The following ADSL variants were observed in gnomAD, a reference collection of about 807,000 sequenced individuals.
ADSL encodes the protein adenylosuccinate lyase, also known as adenylosuccinase.
Under a neutral mutation model 62.1 loss-of-function variants are expected in ADSL, and 44 were observed. The observed-to-expected ratio is 0.71, with a 90% CI of 0.56 to 0.91. ADSL has a LOEUF of 0.91. Ranked by LOEUF, ADSL falls within the 40% of genes least tolerant of loss-of-function variation. The pLI, the probability that ADSL is intolerant of heterozygous loss-of-function variation, is 0.00. For synonymous variants in ADSL, 198 were observed against 220.5 expected, an observed-to-expected ratio of 0.90 and a Z score of 0.90; for missense variants, 531 against 627.4, an observed-to-expected ratio of 0.85 and a Z score of 1.64.
At chr22:40,356,989 G>A (rs183813899) in intron 4 of ADSL, among the ~76,000 whole-genome samples, 32 of 152,260 alleles carry the variant, frequency 2.1e-4, no homozygotes, top group African/African-American at 5.5e-4. Flanking sequence ...TCAGCTTCCC[G>A]GATTCAAGTG....
chr22:40,386,189 A>G (rs894624680), intron 2 of ADSL, among the ~76,000 whole-genome samples: 1 of 152,030 alleles, frequency 6.6e-6, no homozygotes, highest in African/African-American at 2.4e-5. Context: ...AGCCAAGAGG[A>G]ACTTAAATGG....
chr22:40,373,644 TCTCA>T (rs1569122566), downstream of ADSL: 1 of 152,250 alleles, frequency 6.6e-6, no homozygotes, highest in African/African-American at 2.4e-5. Context: ...TGAGACATAG[TCTCA>T]CTCTGTCACC....
chr22:40,359,331 C>T (rs2044680076), intron 6 of ADSL, 25 bp downstream of exon 6: 1 of 1,612,206 alleles, frequency 6.2e-7, no homozygotes, highest in Non-Finnish European at 8.5e-7. Flanking sequence ...ATGTGTTGGC[C>T]TCCCTGTTAA....
In ADSL at chr22:40,363,054, T is replaced by C. The variant is rs1401927153; in HGVS notation, c.1084T>C (p.Leu362=). 6.2e-7 allele frequency: 1 copy of C among 1,614,070 alleles called. No individual in the cohort carries two copies. The highest frequency in any genetic ancestry group is 8.5e-7 in the Non-Finnish European group (1 of 1,179,984). The stretch of plus-strand genomic sequence containing the variant: ...TACGCTGCAGAACATTTCTGAAGGA[T>C]TGGTCGTGTACCCCAAAGTAAGAAG... ...LNTLQNISEG[L]VVYPKVIERR... is the part of the protein sequence containing the mutation. Residue 362 remains leucine (L), a synonymous_variant, in exon 10 of 13, where the codon TTG becomes CTG. Coordinates refer to ENST00000623063, the MANE Select transcript of ADSL (RefSeq NM_000026.4).
intron 2 of ADSL, among the ~76,000 whole-genome samples, chr22:40,352,263 C>G (rs925557234): frequency 2.6e-5 from 4 of 152,032 alleles, no homozygotes; most frequent in African/African-American, 4.8e-5. Context: ...CACGGTGGCT[C>G]ACACCTGTAA....
chr22:40,366,407 T>C (rs1418198722), intron 12 of ADSL, 29 bp from the exon 13 acceptor site: 1 of 1,496,676 alleles, frequency 6.7e-7, no homozygotes, highest in Admixed American at 1.7e-5. Flanking sequence ...AACATTTTCT[T>C]TTGTCTTGTA....
At chr22:40,353,522 G>A in intron 3 of ADSL, 5 of 651,180 alleles carry the variant, frequency 7.7e-6, no homozygotes, top group Middle Eastern at 4.0e-4. Flanking sequence ...GAGCTCAAGG[G>A]ATCCACCCGT....
At chr22:40,352,744 C>T (rs1240409496) in intron 2 of ADSL, among the ~76,000 whole-genome samples, 2 of 152,168 alleles carry the variant, frequency 1.3e-5, no homozygotes, top group Non-Finnish European at 2.9e-5. Flanking sequence ...AGCAGTCCAC[C>T]TGCTTCAGCC....
Position 40,361,537 on chromosome 22 carries a change from C to T in ADSL, c.912C>T (p.Cys304=). 3 of 1,614,220 alleles carry T rather than the reference C, an allele frequency of 1.9e-6. No homozygotes were observed. The highest frequency in any genetic ancestry group is 2.5e-6 in the Non-Finnish European group (3 of 1,180,032). ...YKRNPMRSER[C]CSLARHLMTL... Reference sequence around the variant, plus strand: ...GGAATCCCATGCGTTCAGAACGTTGCTGCAGTCTTGCCCGCCACCTGATGA... The same window carrying T: ...GGAATCCCATGCGTTCAGAACGTTGTTGCAGTCTTGCCCGCCACCTGATGA... Residue 304 remains cysteine (C), a synonymous_variant, in exon 9 of 13, where the codon TGC becomes TGT. Coordinates refer to ENST00000623063, the MANE Select transcript of ADSL (RefSeq NM_000026.4).
intron 2 of ADSL, among the ~76,000 whole-genome samples, chr22:40,375,853 C>G (rs1285151014): frequency 6.6e-6 from 1 of 152,020 alleles, no homozygotes; most frequent in Non-Finnish European, 1.5e-5. Context: ...GCCTGGGCAA[C>G]ATGGTGAGAC....
At chr22:40,370,228 C>T (rs1237867503), downstream of ADSL, among the ~76,000 whole-genome samples, 1 of 151,754 alleles carries the variant, frequency 6.6e-6, no homozygotes, top group African/African-American at 2.4e-5. Flanking sequence ...TGGTGGCGGG[C>T]GCCTGTAATC....
chr22:40,357,620 T>A (rs1325053349), intron 4 of ADSL, among the ~76,000 whole-genome samples: 1 of 152,210 alleles, frequency 6.6e-6, no homozygotes, highest in Admixed American at 6.5e-5. Flanking sequence ...GTTATGTGTG[T>A]TGTGTAGCTG....
At position 40,367,183 on chromosome 22, in the gene ADSL, C is replaced by T. The variant is rs1469853057; in HGVS notation, c.*661C>T. 4 of 152,798 alleles carry T rather than the reference C, an allele frequency of 2.6e-5. No individual in the cohort carries two copies. The highest frequency in any genetic ancestry group is 9.7e-5 in the African/African-American group (4 of 41,444). 9.5% of individuals were successfully genotyped at this position (152,798 alleles called of 1,614,324 possible). On this transcript the variant is annotated 3_prime_UTR_variant, in exon 13 of 13. Coordinates refer to ENST00000623063, the MANE Select transcript of ADSL (RefSeq NM_000026.4). ...GTTGAGGCTTGCTCTGTCACCCAGACTAGAGTGCAGTAGCACAATCTTGGC... is the reference window on the plus strand; with the variant it reads ...GTTGAGGCTTGCTCTGTCACCCAGATTAGAGTGCAGTAGCACAATCTTGGC...
rs542981397 is a variant in ADSL at position 40,353,351 on chromosome 22, G to A, written c.402+234G>A. The A allele has an allele frequency of 3.6e-5, 25 of 702,906 alleles. No homozygotes were observed. The East Asian group carries it at 6.7e-4, about 19-fold the overall frequency. The allele number at this position is 702,906 out of a possible 1,614,324, so 43.5% of individuals were successfully genotyped here. On this transcript the variant is annotated intron_variant, in intron 3 of 12. Transcript: ENST00000623063. ...GAGCCAGAGTCTCATTCTGTCAAGG[G>A]GCGTGATCAAGGCTTATTGCAACCT...
intron 2 of ADSL, among the ~76,000 whole-genome samples, chr22:40,380,932 T>C (rs922587261): frequency 1.3e-5 from 2 of 152,086 alleles, no homozygotes; most frequent in African/African-American, 4.8e-5. Context: ...AAGACCCTGC[T>C]CAAAAATAAA....
At chr22:40,383,445 C>T (rs767543974) in intron 2 of ADSL, among the ~76,000 whole-genome samples, 4 of 144,544 alleles carry the variant, frequency 2.8e-5, no homozygotes, top group Non-Finnish European at 4.5e-5. Flanking sequence ...CCACCCTTGG[C>T]GACAGAGCGA....
At chr22:40,371,050 C>T (rs2045344001), downstream of ADSL, among the ~76,000 whole-genome samples, 1 of 152,254 alleles carries the variant, frequency 6.6e-6, no homozygotes, top group Non-Finnish European at 1.5e-5. Context: ...TAAAAAGAGC[C>T]TGGCTGGCTC....
chr22:40,380,338 G>A (rs2047352702), intron 2 of ADSL, among the ~76,000 whole-genome samples: 1 of 149,542 alleles, frequency 6.7e-6, no homozygotes, highest in South Asian at 2.1e-4. Flanking sequence ...ACATTTTCTA[G>A]CTTTTTTTAA....
intron 3 of ADSL, 104 bp downstream of exon 3, chr22:40,353,221 A>G (rs982621557): frequency 6.6e-6 from 6 of 911,356 alleles, no homozygotes; most frequent in Non-Finnish European, 1.1e-5. Flanking sequence ...TACATAGACT[A>G]TCATTTTTTC....
Sources: gnomAD v4.1 joint callset for allele counts (sites outside exome capture counted in the v4.1 genomes callset) on GRCh38, gnomAD v4.1.1 for gene constraint, MANE v1.5 for transcripts, NCBI Gene and HGNC (gene_info 2026-07-23, HGNC 2026-07-21) for gene names.